WASF3: variants seen among roughly 807,000 people sequenced by gnomAD.
WASF3 encodes actin-binding protein WASF3.
In WASF3, 11 loss-of-function variants were observed where a neutral mutation model predicts 46.6. The ratio of observed to expected loss-of-function variants is 0.24; its 90% confidence interval spans 0.15 to 0.39. WASF3 has a LOEUF of 0.39. Ranked by LOEUF, WASF3 falls within the 10% of genes least tolerant of loss-of-function variation. The pLI, the probability that WASF3 is intolerant of heterozygous loss-of-function variation, is 1.00. For missense variants in WASF3, 576 were observed against 669.8 expected (o/e 0.86, Z 1.55); for synonymous variants, 242 against 259.7 (o/e 0.93, Z 0.65).
At chr13:26,669,158 G>A (rs1052398087) in intron 5 of WASF3, among the ~76,000 whole-genome samples, 1 of 148,630 alleles carries the variant, frequency 6.7e-6, no homozygotes, top group African/African-American at 2.5e-5. Flanking sequence ...ACATATATAT[G>A]TGTGTGTGTG....
intron 9 of WASF3, among the ~76,000 whole-genome samples, chr13:26,683,426 TG>T (rs536948845): frequency 8.5e-4 from 129 of 151,208 alleles, no homozygotes; most frequent in African/African-American, 3.0e-3. Flanking sequence ...CAGTGAGCCG[TG>T]GTCACGCCCC....
chr13:26,633,219 T>TTTTTTTTTTTTG (rs1881711782), intron 2 of WASF3, among the ~76,000 whole-genome samples: 3 of 138,948 alleles, frequency 2.2e-5, no homozygotes, highest in African/African-American at 2.6e-5. Context: ...TTTTTTTTCT[T>TTTTTTTTTTTTG]GAGGCAGAGT....
At chr13:26,629,892 C>T (rs1295654066) in intron 2 of WASF3, among the ~76,000 whole-genome samples, 1 of 152,166 alleles carries the variant, frequency 6.6e-6, no homozygotes, top group African/African-American at 2.4e-5. Context: ...ACATTTAATA[C>T]TCTGATGTGA....
chr13:26,639,142 T>A (rs2137278227), intron 2 of WASF3, among the ~76,000 whole-genome samples: 1 of 152,348 alleles, frequency 6.6e-6, no homozygotes, highest in East Asian at 1.9e-4. Flanking sequence ...TAATTGACAC[T>A]GAATTTGAAA....
chr13:26,620,334 C>T (rs1212453228), intron 2 of WASF3, among the ~76,000 whole-genome samples: 1 of 151,170 alleles, frequency 6.6e-6, no homozygotes, highest in East Asian at 1.9e-4. Context: ...TTCTTGAATC[C>T]CACATGTTCT....
chr13:26,540,793 C>T, the WASF3 span, among the ~76,000 whole-genome samples: 1 of 152,192 alleles, frequency 6.6e-6, no homozygotes, highest in African/African-American at 2.4e-5. Context: ...CATCTGGCCT[C>T]ATCTAACTCC....
chr13:26,609,473 G>T (rs971244782), intron 1 of WASF3: 12 of 117,618 alleles, frequency 1.0e-4, no homozygotes, highest in Non-Finnish European at 2.1e-4. Flanking sequence ...TTTAGAAAAA[G>T]ACTTTTTTTT....
the WASF3 span, among the ~76,000 whole-genome samples, chr13:26,552,467 A>ATATG: frequency 2.2e-3 from 332 of 152,342 alleles, 5 homozygotes; most frequent in East Asian, 0.059. Context: ...GTAGATATGG[A>ATATG]TATGTATGTA....
At position 26,682,883 on chromosome 13, in the gene WASF3, T is replaced by G; in HGVS notation, c.1260T>G (p.His420Gln). The G allele has an allele frequency of 6.2e-7, 1 of 1,611,588 alleles. No homozygotes were observed. The highest frequency in any genetic ancestry group is 8.5e-7 in the Non-Finnish European group (1 of 1,179,878). ...CTTCTCTTTCGTCCTCCCCAATGCA[T>G]GGCCCCCCAGTAGCTGAGGCGAAGC... is the stretch of plus-strand genomic sequence containing the variant. ...PGSSLSSSPM[H>Q]GPPVAEAKRQ... is the part of the protein sequence containing the mutation. Residue 420 changes from histidine (H) to glutamine (Q), a missense_variant, in exon 9 of 10, where the codon CAT becomes CAG. His to Gln is a conservative substitution (Grantham distance 24). Around this residue, in one of 3 missense-constraint regions of WASF3, gnomAD observed 295 missense variants for 291.5 expected, o/e 1.01. Coordinates refer to ENST00000335327, the MANE Select transcript of WASF3 (RefSeq NM_006646.6). The surrounding 1 kb of genome is among the most constrained non-coding windows in gnomAD (Gnocchi z 4.4).
intron 3 of WASF3, among the ~76,000 whole-genome samples, chr13:26,662,439 T>C (rs1230415800): frequency 6.6e-6 from 1 of 152,172 alleles, no homozygotes; most frequent in Non-Finnish European, 1.5e-5. Context: ...AAAGAAAATG[T>C]GGTACATCAT....
intron 5 of WASF3, among the ~76,000 whole-genome samples, chr13:26,668,210 A>G (rs150591185): frequency 1.3e-5 from 2 of 152,352 alleles, no homozygotes; most frequent in Non-Finnish European, 2.9e-5. Context: ...AAGAAAAACA[A>G]TGGAAAATAA....
At position 26,687,289 on chromosome 13, in the gene WASF3, G is replaced by C. The variant is rs1318608682; in HGVS notation, c.*1444G>C. On this transcript the variant is annotated 3_prime_UTR_variant, in exon 10 of 10. Transcript: ENST00000335327. The stretch of plus-strand genomic sequence containing the variant: ...CTCAACAGTATTTCATATCCATTGT[G>C]GTTAGTTACTCAGTTATGTTGAGAA... 6.6e-6 allele frequency: 1 copy of C among 152,208 alleles called. No individual in the cohort carries two copies. Among genetic ancestry groups the C allele is most frequent in the African/African-American group, 2.4e-5 (1 of 41,456 alleles). The allele number at this position is 152,208 out of a possible 1,614,324, so 9.4% of individuals were successfully genotyped here.
chr13:26,596,491 T>G (rs1880466955), intron 1 of WASF3, among the ~76,000 whole-genome samples: 1 of 152,308 alleles, frequency 6.6e-6, no homozygotes, highest in African/African-American at 2.4e-5. Flanking sequence ...AAATTTAGCC[T>G]TCTTAAATGT....
intron 1 of WASF3, among the ~76,000 whole-genome samples, chr13:26,600,471 C>G (rs570954858): frequency 6.6e-6 from 1 of 152,300 alleles, no homozygotes; most frequent in African/African-American, 2.4e-5. Flanking sequence ...CTCAGCATGG[C>G]AGGCTCAGTA....
chr13:26,570,868 C>T (rs1028830518), intron 1 of WASF3, among the ~76,000 whole-genome samples: 5 of 152,134 alleles, frequency 3.3e-5, no homozygotes, highest in African/African-American at 1.2e-4. Context: ...TCTTGTTAGA[C>T]GCTGCTGAAT....
chr13:26,680,005 C>T, intron 7 of WASF3: 4 of 1,588,090 alleles, frequency 2.5e-6, no homozygotes, highest in African/African-American at 2.7e-5. Context: ...TCCCTCAGCA[C>T]CCCCAATGTG....
At chr13:26,589,729 G>A (rs936181523) in intron 1 of WASF3, among the ~76,000 whole-genome samples, 1 of 152,230 alleles carries the variant, frequency 6.6e-6, no homozygotes, top group African/African-American at 2.4e-5. Context: ...AGATAATGCT[G>A]TTAGTGTAGT....
chr13:26,608,870 C>T (rs1047539356), intron 1 of WASF3, among the ~76,000 whole-genome samples: 4 of 152,096 alleles, frequency 2.6e-5, no homozygotes, highest in African/African-American at 7.2e-5. Context: ...CTTGCAATCT[C>T]ATAAATAGAA....
intron 2 of WASF3, among the ~76,000 whole-genome samples, chr13:26,624,681 A>G (rs931417482): frequency 6.6e-6 from 1 of 152,134 alleles, no homozygotes; most frequent in Non-Finnish European, 1.5e-5. Flanking sequence ...AAACACTGGA[A>G]TCAAGTTGCT....
Sources: gnomAD v4.1 joint callset for allele counts (sites outside exome capture counted in the v4.1 genomes callset) on GRCh38, gnomAD v4.1.1 for gene constraint, gnomAD v4.1.1 regional missense constraint, Gnocchi (gnomAD v3.1) non-coding constraint, MANE v1.5 for transcripts, NCBI Gene and HGNC (gene_info 2026-07-23, HGNC 2026-07-21) for gene names.